The following SEC14L3 variants were observed in gnomAD, a reference collection of about 807,000 sequenced individuals.
SEC14L3 encodes SEC14-like protein 3.
A neutral mutation model predicts 57.4 loss-of-function variants in SEC14L3; 56 were observed. That is an observed-to-expected ratio of 0.97 (90% CI 0.79 to 1.22). SEC14L3 has a LOEUF of 1.22. Ranked by LOEUF, SEC14L3 falls within the 50% of genes most tolerant of loss-of-function variation. SEC14L3 has a pLI of 0.00. For missense variants in SEC14L3, 485 were observed against 511.7 expected, an observed-to-expected ratio of 0.95 and a Z score of 0.50; for synonymous variants, 173 against 194.4, an observed-to-expected ratio of 0.89 and a Z score of 0.92.
chr22:30,470,237 T>A lies in SEC14L3; in HGVS notation c.149A>T (p.Gln50Leu), dbSNP rs1463778835. 1 of 1,613,846 alleles carries A rather than the reference T, an allele frequency of 6.2e-7. No homozygotes were observed. The highest frequency in any genetic ancestry group is 2.2e-5 in the East Asian group (1 of 44,882). The change falls in exon 3 of 12, where the codon CAG becomes CTG. Residue 50 changes from glutamine (Q) to leucine (L), a missense_variant. Gln to Leu is a moderately radical substitution (Grantham distance 113). Transcript: ENST00000215812. The stretch of plus-strand genomic sequence containing the variant: ...CTTGCGGAGCAAAGCCTCCGACTTC[T>A]GCAAGTCAAAATTCCGAGCTGTGGG... Reference protein sequence around the residue: ...RWLRARNFDLQKSEALLRKYM... With the variant: ...RWLRARNFDLLKSEALLRKYM...
downstream of SEC14L3, among the ~76,000 whole-genome samples, chr22:30,455,275 C>T (rs890374975): frequency 7.5e-6 from 1 of 133,236 alleles, no homozygotes; most frequent in Non-Finnish European, 1.6e-5. Context: ...ATATTTGAGA[C>T]GGAGTCTCTG....
chr22:30,454,840 TATATA>T (rs1935068390), downstream of SEC14L3, among the ~76,000 whole-genome samples: 2 of 63,128 alleles, frequency 3.2e-5, no homozygotes, highest in South Asian at 6.3e-4. Context: ...TATATAATAA[TATATA>T]ATATATTATA....
chr22:30,458,647 C>A (rs4820850), downstream of SEC14L3, among the ~76,000 whole-genome samples: 1 of 152,056 alleles, frequency 6.6e-6, no homozygotes, highest in Non-Finnish European at 1.5e-5. Flanking sequence ...TCTCAGCCTC[C>A]CCAAGGGCTG....
chr22:30,455,216 AAAT>A (rs1446132966), downstream of SEC14L3, among the ~76,000 whole-genome samples: 4 of 123,996 alleles, frequency 3.2e-5, no homozygotes, highest in East Asian at 8.3e-4. Flanking sequence ...TATAAATATT[AAAT>A]AATATAATAT....
rs774131984 is a variant in SEC14L3 at position 30,467,085 on chromosome 22, G to A, written c.424-8C>T. The A allele has an allele frequency of 5.0e-6, 8 of 1,613,854 alleles. No homozygotes were observed. The highest frequency in any genetic ancestry group is 4.4e-5 in the South Asian group (4 of 91,078). On this transcript the variant is annotated splice_polypyrimidine_tract_variant and splice_region_variant and intron_variant, in intron 5 of 11. Coordinates refer to ENST00000215812, the MANE Select transcript of SEC14L3 (RefSeq NM_174975.5). ...CTCAATCTTCTTCCCTAGCTGCAAG[G>A]ATGAGAGCAAGAAGTAGTTCTGGAG...
intron 4 of SEC14L3, 40 bp downstream of exon 4, chr22:30,469,979 C>A: frequency 6.9e-7 from 1 of 1,447,164 alleles, no homozygotes; most frequent in Non-Finnish European, 9.4e-7. Flanking sequence ...TTGAGTGGTA[C>A]GTCCGTGAAA....
At chr22:30,462,367 G>T in intron 8 of SEC14L3, 175 bp from the exon 9 acceptor site, 1 of 561,562 alleles carries the variant, frequency 1.8e-6, no homozygotes, top group Non-Finnish European at 2.3e-6. Flanking sequence ...TCAGCATTGT[G>T]TTGCTGTGGA....
intron 7 of SEC14L3, 134 bp downstream of exon 7, chr22:30,466,200 C>A: frequency 1.4e-6 from 1 of 739,600 alleles, no homozygotes. Context: ...CTATGCCAGG[C>A]ATTCTAAGTG....
At chr22:30,451,991 C>CAAAAAAAAAAAAAAAAAAAAAA (rs34799395) in intron 12 of SEC14L3, among the ~76,000 whole-genome samples, 1 of 33,826 alleles carries the variant, frequency 3.0e-5, no homozygotes, top group Non-Finnish European at 4.8e-5. Flanking sequence ...GACTCCATCT[C>CAAAAAAAAAAAAAAAAAAAAAA]AAAAAAAAAA....
chr22:30,468,717 A>C (rs373084987), intron 4 of SEC14L3, 21 bp from the exon 5 acceptor site: 90 of 1,613,802 alleles, frequency 5.6e-5, no homozygotes, highest in Non-Finnish European at 7.4e-5. Context: ...AAAGATGCAC[A>C]GAACTTGGCA....
intron 12 of SEC14L3, among the ~76,000 whole-genome samples, chr22:30,451,052 G>A (rs1252667736): frequency 6.6e-6 from 1 of 152,246 alleles, no homozygotes; most frequent in Non-Finnish European, 1.5e-5. Flanking sequence ...CAGCTTGCAG[G>A]TGATTAGTGG....
intron 5 of SEC14L3, among the ~76,000 whole-genome samples, chr22:30,468,293 A>AAAAAG (rs544745401): frequency 1.3e-5 from 2 of 149,490 alleles, no homozygotes; most frequent in Non-Finnish European, 1.5e-5. Context: ...AAAAAAAAAA[A>AAAAAG]GAGGGTTCTA....
At chr22:30,451,325 GA>G (rs1019563507) in intron 12 of SEC14L3, among the ~76,000 whole-genome samples, 1 of 152,084 alleles carries the variant, frequency 6.6e-6, no homozygotes, top group Non-Finnish European at 1.5e-5. Flanking sequence ...TCGGGGAGGG[GA>G]TGGACACTGA....
chr22:30,460,289 C>A, intron 11 of SEC14L3, 147 bp from the exon 12 acceptor site: 1 of 1,470,158 alleles, frequency 6.8e-7, no homozygotes. Flanking sequence ...TTCCCTTCCC[C>A]ATGGGAACTG....
chr22:30,461,974 AC>A, intron 9 of SEC14L3, 111 bp downstream of exon 9: 1 of 1,203,006 alleles, frequency 8.3e-7, no homozygotes. Flanking sequence ...GACTAGCTTA[AC>A]ACCCAGTTCT....
rs1376295450 is a variant in SEC14L3, at chr22:30,459,887, A to G, written c.*134T>C. On this transcript the variant is annotated 3_prime_UTR_variant, in exon 12 of 12. Coordinates refer to ENST00000215812, the MANE Select transcript of SEC14L3 (RefSeq NM_174975.5). Reference sequence around the variant, plus strand: ...TGACCACAGTAGATGAGTTTTCCCCAGGGCATCTCTTTCTGTACTCACTAA... The same window carrying G: ...TGACCACAGTAGATGAGTTTTCCCCGGGGCATCTCTTTCTGTACTCACTAA... The G allele has an allele frequency of 7.0e-7, 1 of 1,425,966 alleles. No individual in the cohort carries two copies. Among genetic ancestry groups the G allele is most frequent in the African/African-American group, 1.4e-5 (1 of 69,920 alleles). The allele number at this position is 1,425,966 out of a possible 1,614,324, so 88.3% of individuals were successfully genotyped here.
intron 12 of SEC14L3, among the ~76,000 whole-genome samples, chr22:30,450,250 C>T: frequency 6.6e-6 from 1 of 152,154 alleles, no homozygotes; most frequent in East Asian, 1.9e-4. Flanking sequence ...GGGTTTACCT[C>T]ATCTGCTGGA....
chr22:30,465,154 A>G (rs911008388), intron 7 of SEC14L3, among the ~76,000 whole-genome samples: 2 of 152,186 alleles, frequency 1.3e-5, no homozygotes, highest in Non-Finnish European at 2.9e-5. Context: ...CAGTCATTCA[A>G]ACTTCTAATC....
intron 4 of SEC14L3, 148 bp downstream of exon 4, chr22:30,469,871 G>A: frequency 1.6e-6 from 1 of 634,086 alleles, no homozygotes; most frequent in Non-Finnish European, 2.8e-6. Flanking sequence ...CAAGCCCCCA[G>A]GAAACATTCA....
Sources: gnomAD v4.1 joint callset for allele counts (sites outside exome capture counted in the v4.1 genomes callset) on GRCh38, gnomAD v4.1.1 for gene constraint, MANE v1.5 for transcripts, NCBI Gene and HGNC (gene_info 2026-07-23, HGNC 2026-07-21) for gene names.